Variants in MAP3K13 observed in about 807,000 individuals in gnomAD.
MAP3K13 encodes the protein mitogen-activated protein kinase kinase kinase 13, also known as leucine zipper-bearing kinase.
A neutral mutation model predicts 104.0 loss-of-function variants in MAP3K13; 52 were observed. The ratio of observed to expected loss-of-function variants is 0.50; its 90% CI spans 0.40 to 0.63. The LOEUF is 0.63. Among genes scored for constraint, MAP3K13 ranks in the 20% least tolerant of loss-of-function variants. The pLI is 0.00. For synonymous variants in MAP3K13, 394 were observed against 442.2 expected, an observed-to-expected ratio of 0.89 and a Z score of 1.37; for missense variants, 914 against 1,218.5, an observed-to-expected ratio of 0.75 and a Z score of 3.72.
intron 2 of MAP3K13, among the ~76,000 whole-genome samples, chr3:185,299,396 A>C (rs1387564138): frequency 6.6e-6 from 1 of 152,188 alleles, no homozygotes; most frequent in Non-Finnish European, 1.5e-5. Context: ...AGGAGCCTGC[A>C]CTCACTTGCA....
intron 2 of MAP3K13, among the ~76,000 whole-genome samples, chr3:185,433,151 C>T: frequency 6.6e-6 from 1 of 152,218 alleles, no homozygotes; most frequent in Non-Finnish European, 1.5e-5. Context: ...GCAATTTAAT[C>T]TTTTATTGTC....
chr3:185,395,712 T>C lies in MAP3K13; in HGVS notation c.-86+32344T>C, dbSNP rs564024401. On this transcript the variant is annotated intron_variant, in intron 1 of 13. Coordinates refer to ENST00000265026, the MANE Select transcript of MAP3K13 (RefSeq NM_004721.5). ...TTTTATTTTTATTTTTGAGACGGAG[T>C]CTTGCTGTGTCACTCAGGCTGGAGT... Among the ~76,000 whole-genome samples the C allele has an allele frequency of 2.7e-5, 4 of 150,832 alleles. No homozygotes were observed. In the South Asian group the frequency reaches 8.4e-4, roughly 32 times the overall value.
Position 185,450,352 on chromosome 3 carries a change from C to T in MAP3K13, c.1169+294C>T, listed in dbSNP as rs920181120. On this transcript the variant is annotated intron_variant, in intron 6 of 13. Coordinates refer to ENST00000265026, the MANE Select transcript of MAP3K13 (RefSeq NM_004721.5). The surrounding 1 kb of genome is among the most constrained non-coding windows in gnomAD (Gnocchi z 4.2). Reference sequence around the variant, plus strand: ...AGTAGGCCTTGGTCAATGATAGCTACTATTTCTTTGCTAGTCCTAATGGAC... The same window carrying T: ...AGTAGGCCTTGGTCAATGATAGCTATTATTTCTTTGCTAGTCCTAATGGAC... Among the ~76,000 whole-genome samples the T allele has an allele frequency of 9.2e-5, 14 of 152,214 alleles. No individual in the cohort carries two copies. Among genetic ancestry groups the T allele is most frequent in the Admixed American group, 8.5e-4 (13 of 15,272 alleles).
At chr3:185,358,936 A>G (rs1443064530), upstream of MAP3K13, among the ~76,000 whole-genome samples, 1 of 152,206 alleles carries the variant, frequency 6.6e-6, no homozygotes, top group Non-Finnish European at 1.5e-5. Context: ...CAGAACCCCA[A>G]AGATATTCCC....
upstream of MAP3K13, among the ~76,000 whole-genome samples, chr3:185,359,801 C>T (rs911795549): frequency 2.0e-5 from 3 of 152,144 alleles, no homozygotes; most frequent in Non-Finnish European, 2.9e-5. Context: ...TGAGTCTCCA[C>T]GTATTAGCAT....
rs1407283899 is a variant in MAP3K13 at position 185,488,309 on chromosome 3, A to G, written c.*5853A>G. ...ACAAATATCCTAGCATACTCACACCACCAGTGTCCCACCCTCACAGACTGG... is the reference window on the plus strand; with the variant it reads ...ACAAATATCCTAGCATACTCACACCGCCAGTGTCCCACCCTCACAGACTGG... On this transcript the variant is annotated 3_prime_UTR_variant, in exon 14 of 14. Coordinates refer to ENST00000265026, the MANE Select transcript of MAP3K13 (RefSeq NM_004721.5). The G allele has an allele frequency of 1.3e-5, 2 of 152,120 alleles. No individual in the cohort carries two copies. The highest frequency in any genetic ancestry group is 2.9e-5 in the Non-Finnish European group (2 of 68,022). 9.4% of individuals were successfully genotyped at this position (152,120 alleles called of 1,614,324 possible). A position where few individuals can be genotyped will look rare whatever the true frequency, so the allele number is the denominator to read the frequency against.
intron 2 of MAP3K13, among the ~76,000 whole-genome samples, chr3:185,317,075 C>A (rs1721704008): frequency 6.6e-6 from 1 of 152,206 alleles, no homozygotes. Context: ...TCCACTCTTT[C>A]TCCATTCACT....
Position 185,316,269 on chromosome 3 carries a change from T to C in MAP3K13, c.-86+30626T>C, listed in dbSNP as rs114700432. Among the ~76,000 whole-genome samples the C allele has an allele frequency of 3.4e-3, 513 of 152,306 alleles. 2 individuals are homozygous for C. The highest frequency in any genetic ancestry group is 0.012 in the African/African-American group (492 of 41,570). On this transcript the variant is annotated intron_variant, in intron 2 of 14. Coordinates refer to the MAP3K13 transcript ENST00000424227. ...TGCAATAACTTTTAAAGAAAGTGTT[T>C]GGGAAAGTAAAGGTTAGGAAATAGT...
Position 185,462,916 on chromosome 3 carries a change from C to A in MAP3K13, c.1279-634C>A, listed in dbSNP as rs1379289416. Among the ~76,000 whole-genome samples the A allele has an allele frequency of 2.6e-5, 4 of 152,330 alleles. No individual in the cohort carries two copies. The East Asian group carries it at 5.8e-4, about 22-fold the overall frequency. ...CTTCAACCATGTATTAGACATCCAT[C>A]CCTGCTCTAAAAATTTTGTCAAACT... On this transcript the variant is annotated intron_variant, in intron 7 of 13. Transcript: ENST00000265026.
At chr3:185,383,561 C>CA (rs34255859) in intron 1 of MAP3K13, among the ~76,000 whole-genome samples, 2,083 of 91,074 alleles carry the variant, frequency 0.023, 33 homozygotes, top group Middle Eastern at 0.045. Context: ...GACTCTGTCT[C>CA]AAAAAAAAAA....
At position 185,483,606 on chromosome 3, in the gene MAP3K13, G is replaced by A. The variant is rs1718578322; in HGVS notation, c.*1150G>A. On this transcript the variant is annotated 3_prime_UTR_variant, in exon 14 of 14. Coordinates refer to ENST00000265026, the MANE Select transcript of MAP3K13 (RefSeq NM_004721.5). ...ACTTGAGTCATATTGATTCAAGCAG[G>A]AGAACAGACTTTGAAGGCAGCTAGG... The A allele has an allele frequency of 4.7e-6, 1 of 212,868 alleles. No individual in the cohort carries two copies. The highest frequency in any genetic ancestry group is 5.9e-5 in the Admixed American group (1 of 17,006). 13.2% of individuals were successfully genotyped at this position (212,868 alleles called of 1,614,324 possible). A position where few individuals can be genotyped will look rare whatever the true frequency, so the allele number is the denominator to read the frequency against.
chr3:185,407,501 G>A (rs139552123), intron 1 of MAP3K13, among the ~76,000 whole-genome samples: 68 of 152,248 alleles, frequency 4.5e-4, no homozygotes, highest in African/African-American at 1.5e-3. Context: ...CACACCATGC[G>A]CAATTAAATG....
chr3:185,438,431 C>T (rs775952175), intron 3 of MAP3K13, among the ~76,000 whole-genome samples: 3 of 152,166 alleles, frequency 2.0e-5, no homozygotes, highest in Non-Finnish European at 2.9e-5. Context: ...TAAACATTAA[C>T]GTGTAATGGC....
chr3:185,397,859 C>G (rs1436269772), intron 1 of MAP3K13, among the ~76,000 whole-genome samples: 2 of 152,052 alleles, frequency 1.3e-5, no homozygotes, highest in African/African-American at 4.8e-5. Context: ...TGTCAGTGGC[C>G]GTGTGGATGA....
Position 185,488,785 on chromosome 3 carries a change from A to G in MAP3K13, c.*6329A>G, listed in dbSNP as rs1287106800. ...ATTAGGAAGATGTCCCATCTTGCCC[A>G]TATCACCCCAGTGGCTCTTCACCTT... is the stretch of plus-strand genomic sequence containing the variant. On this transcript the variant is annotated 3_prime_UTR_variant, in exon 14 of 14. Transcript: ENST00000265026. 6.6e-6 allele frequency: 1 copy of G among 152,244 alleles called. No homozygotes were observed. Among genetic ancestry groups the G allele is most frequent in the Non-Finnish European group, 1.5e-5 (1 of 68,070 alleles). The allele number at this position is 152,244 out of a possible 1,614,324, so 9.4% of individuals were successfully genotyped here.
intron 2 of MAP3K13, among the ~76,000 whole-genome samples, chr3:185,355,972 A>G (rs1001897086): frequency 1.3e-5 from 2 of 152,186 alleles, no homozygotes; most frequent in African/African-American, 4.8e-5. Context: ...TTAAGTGAAC[A>G]TTTAAGTAAC....
chr3:185,355,987 C>T (rs1326492275), intron 2 of MAP3K13, among the ~76,000 whole-genome samples: 1 of 152,110 alleles, frequency 6.6e-6, no homozygotes, highest in South Asian at 2.1e-4. Flanking sequence ...AGTAACCTTG[C>T]CCAGGGCTTC....
At chr3:185,468,204 C>G (rs550883376) in intron 10 of MAP3K13, among the ~76,000 whole-genome samples, 10 of 152,140 alleles carry the variant, frequency 6.6e-5, no homozygotes, top group Admixed American at 3.3e-4. Flanking sequence ...TATCACTCAT[C>G]ATGGAAACAA....
chr3:185,443,491 T>C lies in MAP3K13; in HGVS notation c.706T>C (p.Cys236Arg), dbSNP rs1417472095. 1 of 1,614,158 alleles carries C rather than the reference T, an allele frequency of 6.2e-7. No homozygotes were observed. The highest frequency in any genetic ancestry group is 8.5e-7 in the Non-Finnish European group (1 of 1,180,018). ...APCYCIIMEY[C>R]AHGQLYEVLR... ...ATGTTATTGTATTATCATGGAATAC[T>C]GTGCCCATGGACAACTCTACGAGGT... Residue 236 changes from cysteine to arginine, a missense_variant, in exon 4 of 14, where the codon TGT becomes CGT. Cys to Arg is a radical substitution (Grantham distance 180). Coordinates refer to ENST00000265026, the MANE Select transcript of MAP3K13 (RefSeq NM_004721.5).
Sources: allele counts gnomAD v4.1 joint callset (sites outside exome capture counted in the v4.1 genomes callset), GRCh38; gene constraint gnomAD v4.1.1; non-coding constraint Gnocchi (gnomAD v3.1); transcripts MANE v1.5; gene names NCBI Gene and HGNC (gene_info 2026-07-23, HGNC 2026-07-21).